PDCL: variants seen among roughly 807,000 people sequenced by gnomAD.
The protein encoded by PDCL is phosducin like.
A neutral mutation model predicts 26.7 loss-of-function variants in PDCL; 11 were observed. The observed-to-expected ratio is 0.41, with a 90% confidence interval of 0.26 to 0.68. The LOEUF (loss-of-function observed/expected upper bound fraction) is 0.68, where lower values mean the gene tolerates loss of function less well. Among genes scored for constraint, PDCL ranks in the 30% least tolerant of loss-of-function variants. The probability of loss-of-function intolerance (pLI) is 0.30; values close to 1 mark genes in which losing one functional copy is unlikely to be tolerated. For synonymous variants in PDCL, 118 were observed against 134.9 expected (o/e 0.87, Z 0.87); for missense variants, 330 against 371.6 (o/e 0.89, Z 0.92).
At chr9:122,826,554 A>G in intron 2 of PDCL, 62 bp downstream of exon 2, 1 of 1,331,300 alleles carries the variant, frequency 7.5e-7, no homozygotes, top group South Asian at 1.6e-5. Context: ...TATGTATTTA[A>G]TTAATATGTA....
intron 1 of PDCL, among the ~76,000 whole-genome samples, chr9:122,828,206 G>A (rs1181982796): frequency 6.6e-6 from 1 of 152,114 alleles, no homozygotes; most frequent in East Asian, 1.9e-4. Flanking sequence ...CTGCGGGGAG[G>A]AGACGAGGGC....
At position 122,818,753 on chromosome 9, in the gene PDCL, C is replaced by T. The variant is rs986961681; in HGVS notation, c.*1332G>A. The T allele has an allele frequency of 4.0e-5, 6 of 151,242 alleles. No homozygotes were observed. Among genetic ancestry groups the T allele is most frequent in the Admixed American group, 6.6e-5 (1 of 15,188 alleles). The allele number at this position is 151,242 out of a possible 1,614,324, so 9.4% of individuals were successfully genotyped here. On this transcript the variant is annotated 3_prime_UTR_variant, in exon 4 of 4. Transcript: ENST00000259467. ...TTTAAAGTTAAAAAAAGGAAAAAAA[C>T]GCAAATGATAATTATTATAAATACA... is the stretch of plus-strand genomic sequence containing the variant.
In PDCL at chr9:122,820,221, T is replaced by A; in HGVS notation, c.770A>T (p.Asp257Val). ...NFVRVTDQLGDDFFAVDLEAF... is the reference protein window; with the variant it reads ...NFVRVTDQLGVDFFAVDLEAF... ...TTCAAGGTCCACAGCAAAGAAATCA[T>A]CCCCCAGCTGGTCAGTAACACGAAC... is the stretch of plus-strand genomic sequence containing the variant. Residue 257 changes from aspartate (D) to valine (V), a missense_variant, in exon 4 of 4, where the codon GAT becomes GTT. Coordinates refer to ENST00000259467, the MANE Select transcript of PDCL (RefSeq NM_005388.5). 6.2e-7 allele frequency: 1 copy of A among 1,614,018 alleles called. No individual in the cohort carries two copies. The highest frequency in any genetic ancestry group is 8.5e-7 in the Non-Finnish European group (1 of 1,180,018).
In PDCL at chr9:122,818,709, T is replaced by C. The variant is rs1486713299; in HGVS notation, c.*1376A>G. The C allele has an allele frequency of 2.6e-5, 4 of 151,938 alleles. No homozygotes were observed. Among genetic ancestry groups the C allele is most frequent in the Non-Finnish European group, 4.4e-5 (3 of 67,988 alleles). 9.4% of individuals were successfully genotyped at this position (151,938 alleles called of 1,614,324 possible). A position where few individuals can be genotyped will look rare whatever the true frequency, so the allele number is the denominator to read the frequency against. On this transcript the variant is annotated 3_prime_UTR_variant, in exon 4 of 4. Transcript: ENST00000259467. Reference sequence around the variant, plus strand: ...ATTTAATTCCAGATTACATTTCCCCTGACCCTAGAATATACATTTTTAAAG... The same window carrying C: ...ATTTAATTCCAGATTACATTTCCCCCGACCCTAGAATATACATTTTTAAAG...
At chr9:122,826,479 A>G (rs1829629970) in intron 2 of PDCL, 137 bp downstream of exon 2, 1 of 685,454 alleles carries the variant, frequency 1.5e-6, no homozygotes, top group East Asian at 2.9e-5. Context: ...CACATAATGA[A>G]AAGACTAGGT....
intron 2 of PDCL, among the ~76,000 whole-genome samples, chr9:122,826,006 C>T (rs1829619755): frequency 6.6e-6 from 1 of 152,168 alleles, no homozygotes; most frequent in Admixed American, 6.6e-5. Flanking sequence ...GCAGAAGGAT[C>T]ATTTGAGCTC....
chr9:122,819,962 T>C lies in PDCL; in HGVS notation c.*123A>G. 1.4e-6 allele frequency: 1 copy of C among 717,794 alleles called. No homozygotes were observed. Among genetic ancestry groups the C allele is most frequent in the East Asian group, 2.7e-5 (1 of 36,526 alleles). The allele number at this position is 717,794 out of a possible 1,614,324, so 44.5% of individuals were successfully genotyped here. A position where few individuals can be genotyped will look rare whatever the true frequency, so the allele number is the denominator to read the frequency against. On this transcript the variant is annotated 3_prime_UTR_variant, in exon 4 of 4. Transcript: ENST00000259467. ...TGATTTAATCTAAGAATTTCTTTATTTTATGCATAATAAAAGGGACTACAA... is the reference window on the plus strand; with the variant it reads ...TGATTTAATCTAAGAATTTCTTTATCTTATGCATAATAAAAGGGACTACAA...
At position 122,820,564 on chromosome 9, in the gene PDCL, G is replaced by C; in HGVS notation, c.427C>G (p.Gln143Glu). Residue 143 changes from glutamine to glutamate, a missense_variant, in exon 4 of 4, where the codon CAG (glutamine) becomes GAG (glutamate). Physicochemically the swap from Gln to Glu is conservative, Grantham distance 29 (BLOSUM62 2). Transcript: ENST00000259467. ...TGCTGCCGCATCTCTTCCATTCGCT[G>C]CTTCCGGTACTGCTGCAGAAACTCT... Reference protein sequence around the residue: ...DEEFLQQYRKQRMEEMRQQLH... With the variant: ...DEEFLQQYRKERMEEMRQQLH... The C allele has an allele frequency of 1.2e-6, 2 of 1,614,068 alleles. No individual in the cohort carries two copies. Among genetic ancestry groups the C allele is most frequent in the South Asian group, 1.1e-5 (1 of 91,080 alleles).
intron 2 of PDCL, among the ~76,000 whole-genome samples, chr9:122,825,601 C>A (rs1038329442): frequency 1.3e-5 from 2 of 151,816 alleles, no homozygotes; most frequent in East Asian, 1.9e-4. Context: ...AGGAAAAGAA[C>A]AAAAGAATAT....
At chr9:122,820,847 TAGC>T (rs1383210924) in intron 3 of PDCL, 6 of 479,886 alleles carry the variant, frequency 1.3e-5, no homozygotes, top group African/African-American at 4.2e-5. Context: ...AAAAAAAAGT[TAGC>T]AGGGCATGGT....
chr9:122,826,130 T>C (rs1312785555), intron 2 of PDCL, among the ~76,000 whole-genome samples: 1 of 151,822 alleles, frequency 6.6e-6, no homozygotes, highest in Non-Finnish European at 1.5e-5. Flanking sequence ...AAAAAGGTGG[T>C]GGGGGCGGAA....
intron 2 of PDCL, among the ~76,000 whole-genome samples, chr9:122,826,361 T>C (rs1238632072): frequency 1.3e-5 from 2 of 152,206 alleles, no homozygotes; most frequent in Non-Finnish European, 1.5e-5. Context: ...ATTTATGAGA[T>C]ATCAAACTGT....
At position 122,820,332 on chromosome 9, in the gene PDCL, G is replaced by A. The variant is rs1240750245; in HGVS notation, c.659C>T (p.Ser220Leu). 5 of 1,614,162 alleles carry A rather than the reference G, an allele frequency of 3.1e-6. No individual in the cohort carries two copies. Among genetic ancestry groups the A allele is most frequent in the East Asian group, 2.2e-5 (1 of 44,888 alleles). Reference protein sequence around the residue: ...PAVKFCKVKSSVIGASSQFTR... With the variant: ...PAVKFCKVKSLVIGASSQFTR... The stretch of plus-strand genomic sequence containing the variant: ...GAACTGACTGCTGGCGCCAATAACT[G>A]AGCTCTTCACCTTGCAGAACTTGAC... Residue 220 changes from serine to leucine, a missense_variant, in exon 4 of 4, where the codon TCA (serine) becomes TTA (leucine). Transcript: ENST00000259467.
At chr9:122,822,403 A>T (rs1829564861) in intron 3 of PDCL, among the ~76,000 whole-genome samples, 1 of 152,052 alleles carries the variant, frequency 6.6e-6, no homozygotes, top group Admixed American at 6.6e-5. Context: ...AAAAAAAAAA[A>T]AAAGGCCATC....
chr9:122,825,508 G>T lies in PDCL; in HGVS notation c.172+1108C>A, dbSNP rs147529165. Among the ~76,000 whole-genome samples the T allele has an allele frequency of 1.5e-3, 232 of 152,198 alleles. 1 individual carries two copies. The highest frequency in any genetic ancestry group is 4.8e-3 in the African/African-American group (199 of 41,524). On this transcript the variant is annotated intron_variant, in intron 2 of 3. Coordinates refer to ENST00000259467, the MANE Select transcript of PDCL (RefSeq NM_005388.5). ...AAAGTGAGGCCCTTTATAAAGTAGG[G>T]TGAAGAAACGCCTTTTAAGTAAAAT...
chr9:122,821,107 C>T (rs557533380), intron 3 of PDCL, among the ~76,000 whole-genome samples: 51 of 152,248 alleles, frequency 3.3e-4, no homozygotes, highest in Non-Finnish European at 6.3e-4. Flanking sequence ...TTCCATAACT[C>T]CATCGGGAAG....
intron 2 of PDCL, 81 bp from the exon 3 acceptor site, chr9:122,823,278 A>C: frequency 1.5e-6 from 2 of 1,359,038 alleles, no homozygotes; most frequent in Non-Finnish European, 2.1e-6. Flanking sequence ...GTAGGAGTTC[A>C]CATCTGCCTG....
intron 3 of PDCL, among the ~76,000 whole-genome samples, chr9:122,822,779 T>C (rs1230400918): frequency 2.0e-5 from 3 of 152,170 alleles, no homozygotes; most frequent in Non-Finnish European, 4.4e-5. Context: ...ACGGGGAGGA[T>C]ACATCATTTA....
Position 122,818,700 on chromosome 9 carries a change from C to T in PDCL, c.*1385G>A, listed in dbSNP as rs1829515925. ...AAGGCTAATATTTAATTCCAGATTA[C>T]ATTTCCCCTGACCCTAGAATATACA... On this transcript the variant is annotated 3_prime_UTR_variant, in exon 4 of 4. Transcript: ENST00000259467. 6.6e-6 allele frequency: 1 copy of T among 151,606 alleles called. No homozygotes were observed. The highest frequency in any genetic ancestry group is 6.6e-5 in the Admixed American group (1 of 15,216). The allele number at this position is 151,606 out of a possible 1,614,324, so 9.4% of individuals were successfully genotyped here.
Sources: gnomAD v4.1 joint callset for allele counts (sites outside exome capture counted in the v4.1 genomes callset) on GRCh38, gnomAD v4.1.1 for gene constraint, MANE v1.5 for transcripts, NCBI Gene and HGNC (gene_info 2026-07-23, HGNC 2026-07-21) for gene names.